SLC2A13: variants seen among roughly 807,000 people sequenced by gnomAD.
The protein encoded by SLC2A13 is solute carrier family 2 member 13, also known as proton myo-inositol cotransporter.
Under a neutral mutation model 64.4 loss-of-function variants are expected in SLC2A13, and 32 were observed. That is an observed-to-expected ratio of 0.50 (90% CI 0.37 to 0.67). The LOEUF (loss-of-function observed/expected upper bound fraction) is 0.67, where lower values mean the gene tolerates loss of function less well. SLC2A13 is among the 30% of genes least tolerant of loss of function. The pLI is 0.00. For missense variants in SLC2A13, 743 were observed against 829.2 expected (o/e 0.90, Z 1.28); for synonymous variants, 338 against 327.1 (o/e 1.03, Z -0.36).
At chr12:39,818,501 T>C (rs1438145874) in intron 7 of SLC2A13, among the ~76,000 whole-genome samples, 1 of 152,212 alleles carries the variant, frequency 6.6e-6, no homozygotes, top group Non-Finnish European at 1.5e-5. Context: ...CTTCTTTGTT[T>C]AACTCTAACT....
chr12:40,086,761 T>C (rs533239409), intron 1 of SLC2A13, among the ~76,000 whole-genome samples: 1 of 152,344 alleles, frequency 6.6e-6, no homozygotes, highest in African/African-American at 2.4e-5. Context: ...GTAGTGCGAT[T>C]ATGTGTTGCC....
intron 1 of SLC2A13, among the ~76,000 whole-genome samples, chr12:40,098,607 A>T (rs1939042368): frequency 6.6e-6 from 1 of 152,202 alleles, no homozygotes; most frequent in African/African-American, 2.4e-5. Flanking sequence ...TGAGTGAGTG[A>T]GTGTCACAGA....
intron 7 of SLC2A13, among the ~76,000 whole-genome samples, chr12:39,809,412 G>A (rs556012782): frequency 1.3e-5 from 2 of 152,200 alleles, no homozygotes; most frequent in South Asian, 2.1e-4. Flanking sequence ...ATTTCAGAAC[G>A]AGCTTGTCAT....
At chr12:39,879,393 A>G (rs1250544248) in intron 4 of SLC2A13, among the ~76,000 whole-genome samples, 2 of 152,222 alleles carry the variant, frequency 1.3e-5, no homozygotes, top group Non-Finnish European at 2.9e-5. Flanking sequence ...TAGGCATTCA[A>G]CTTCAACTCA....
intron 7 of SLC2A13, among the ~76,000 whole-genome samples, chr12:39,769,201 A>G (rs1940470684): frequency 6.6e-6 from 1 of 152,264 alleles, no homozygotes; most frequent in East Asian, 1.9e-4. Flanking sequence ...AAGAGTAGAC[A>G]TTCCATAAAC....
chr12:39,883,042 T>C (rs1944383281), intron 4 of SLC2A13, among the ~76,000 whole-genome samples: 1 of 152,146 alleles, frequency 6.6e-6, no homozygotes, highest in Non-Finnish European at 1.5e-5. Flanking sequence ...TTTCCACCTC[T>C]TTTTTCCCTT....
At chr12:39,821,422 T>A (rs183575379) in intron 7 of SLC2A13, among the ~76,000 whole-genome samples, 6,110 of 150,454 alleles carry the variant, frequency 0.041, 183 homozygotes, top group African/African-American at 0.083. Flanking sequence ...AAAAAAAAAA[T>A]TTTTTTTTGT....
At chr12:40,021,249 C>T (rs1442547623) in intron 3 of SLC2A13, among the ~76,000 whole-genome samples, 1 of 152,124 alleles carries the variant, frequency 6.6e-6, no homozygotes, top group Admixed American at 6.6e-5. Context: ...TCTTTATCCC[C>T]ATATAACAAC....
At chr12:39,968,760 GTATATATATATATATA>G (rs56838055) in intron 3 of SLC2A13, among the ~76,000 whole-genome samples, 84 of 59,868 alleles carry the variant, frequency 1.4e-3, no homozygotes, top group African/African-American at 3.0e-3. Context: ...TTTTTTTTTG[GTATATATATATATATA>G]TATATATATA....
chr12:40,007,188 G>A (rs1333210291), intron 3 of SLC2A13, among the ~76,000 whole-genome samples: 2 of 152,180 alleles, frequency 1.3e-5, no homozygotes, highest in South Asian at 2.1e-4. Flanking sequence ...TAGATGCTGC[G>A]AGAAGGGAAC....
chr12:39,932,378 A>G (rs1945840698), intron 4 of SLC2A13, among the ~76,000 whole-genome samples: 1 of 152,194 alleles, frequency 6.6e-6, no homozygotes. Flanking sequence ...ATCTTTTAAA[A>G]GTTCAGCAAG....
chr12:40,030,684 A>G (rs2136218846), intron 2 of SLC2A13, among the ~76,000 whole-genome samples: 1 of 152,308 alleles, frequency 6.6e-6, no homozygotes, highest in African/African-American at 2.4e-5. Flanking sequence ...ACTTGCTATT[A>G]AATCCCAGGA....
chr12:39,788,187 CTG>C (rs879572120), intron 7 of SLC2A13, among the ~76,000 whole-genome samples: 5 of 152,062 alleles, frequency 3.3e-5, no homozygotes, highest in Admixed American at 2.0e-4. Context: ...CCTATAGATG[CTG>C]TGTCATTTTC....
intron 6 of SLC2A13, among the ~76,000 whole-genome samples, chr12:39,857,855 A>G (rs1160393274): frequency 6.6e-6 from 1 of 152,156 alleles, no homozygotes; most frequent in Non-Finnish European, 1.5e-5. Context: ...ACATTCCCTG[A>G]TATTCCCTCT....
intron 6 of SLC2A13, among the ~76,000 whole-genome samples, chr12:39,850,889 C>T (rs1487631898): frequency 2.0e-5 from 3 of 151,896 alleles, no homozygotes; most frequent in Non-Finnish European, 4.4e-5. Context: ...AATATTTAGG[C>T]CCCACAAAGT....
chr12:40,079,615 A>G (rs1044159767), intron 1 of SLC2A13, among the ~76,000 whole-genome samples: 1 of 152,172 alleles, frequency 6.6e-6, no homozygotes, highest in Non-Finnish European at 1.5e-5. Flanking sequence ...GATGTCTTTT[A>G]GATCCATGTG....
chr12:39,946,494 A>C (rs907825497), intron 4 of SLC2A13, among the ~76,000 whole-genome samples: 1 of 152,174 alleles, frequency 6.6e-6, no homozygotes, highest in Admixed American at 6.5e-5. Context: ...GGGCGAGACT[A>C]GGCATGTCTG....
At chr12:39,766,798 C>T (rs981049372) in intron 7 of SLC2A13, among the ~76,000 whole-genome samples, 5 of 152,086 alleles carry the variant, frequency 3.3e-5, no homozygotes, top group Non-Finnish European at 5.9e-5. Context: ...CCTTAAGAAA[C>T]AACTCCTTAT....
At chr12:39,965,590 T>G (rs1408170878) in intron 3 of SLC2A13, among the ~76,000 whole-genome samples, 1 of 152,188 alleles carries the variant, frequency 6.6e-6, no homozygotes. Flanking sequence ...GATGTCTACT[T>G]ATATATCCAG....
Sources: allele counts gnomAD v4.1 joint callset (sites outside exome capture counted in the v4.1 genomes callset), GRCh38; gene constraint gnomAD v4.1.1; transcripts MANE v1.5; gene names NCBI Gene and HGNC (gene_info 2026-07-23, HGNC 2026-07-21).